TMPRSS13: variants seen among roughly 807,000 people sequenced by gnomAD.
TMPRSS13 encodes the protein transmembrane protease serine 13.
In TMPRSS13, 50 loss-of-function variants were observed where a neutral mutation model predicts 68.4. That is an observed-to-expected ratio of 0.73 (90% confidence interval 0.58 to 0.93). The LOEUF (loss-of-function observed/expected upper bound fraction) is 0.93, where lower values mean the gene tolerates loss of function less well. Among genes scored for constraint, TMPRSS13 ranks in the 40% least tolerant of loss-of-function variants. The pLI, the probability that TMPRSS13 is intolerant of heterozygous loss-of-function variation, is 0.00. For missense variants in TMPRSS13, 615 were observed against 729.2 expected (o/e 0.84, Z 1.80); for synonymous variants, 267 against 285.8 (o/e 0.93, Z 0.66).
intron 8 of TMPRSS13, 58 bp from the exon 9 acceptor site, chr11:117,908,842 C>A: frequency 3.4e-6 from 5 of 1,488,002 alleles, no homozygotes; most frequent in Non-Finnish European, 4.5e-6. Context: ...TCACTGGCAG[C>A]CCCTGCTACC....
intron 5 of TMPRSS13, among the ~76,000 whole-genome samples, chr11:117,912,461 G>T (rs11216617): frequency 0.13 from 19,044 of 152,302 alleles, 1,599 homozygotes; most frequent in Non-Finnish European, 0.19. Context: ...TTGCTGAGCA[G>T]GTTCTAAGTC....
At chr11:117,923,838 T>TTAAAAAAAA (rs56359328) in intron 1 of TMPRSS13, among the ~76,000 whole-genome samples, 2 of 128,140 alleles carry the variant, frequency 1.6e-5, no homozygotes, top group Non-Finnish European at 3.2e-5. Flanking sequence ...GTATAATAAT[T>TTAAAAAAAA]AAAAAAAAAA....
rs1491524487 is a variant in TMPRSS13, at chr11:117,914,252, TAC to T, written c.679+138_679+139del. On this transcript the variant is annotated intron_variant, in intron 4 of 12. Coordinates refer to ENST00000524993, the MANE Select transcript of TMPRSS13 (RefSeq NM_001077263.3). This position sits in a 1 kb window ranked among gnomAD's most constrained non-coding sequence, Gnocchi z 4.2. ...ATACGTGCACACACACATACATGCA[TAC>T]ACACAAACATGCACATACACACACA... 2.5e-6 allele frequency: 3 copies of T among 1,180,862 alleles called. 1 individual carries two copies. The highest frequency in any genetic ancestry group is 2.7e-5 in the South Asian group (2 of 72,786). 73.1% of individuals were successfully genotyped at this position (1,180,862 alleles called of 1,614,324 possible).
At position 117,903,841 on chromosome 11, in the gene TMPRSS13, G is replaced by C. The variant is rs375925946; in HGVS notation, c.1525-34C>G. On this transcript the variant is annotated intron_variant, in intron 11 of 12. Transcript: ENST00000524993. The stretch of plus-strand genomic sequence containing the variant: ...GAGAGGGGGCACATTCGCAGGATGG[G>C]ACAGGTGGTCCATGAGCGGGAAAGG... The C allele has an allele frequency of 1.3e-4, 210 of 1,605,202 alleles. 2 individuals are homozygous for C. In the Middle Eastern group the frequency reaches 1.4e-3, roughly 11 times the overall value.
At chr11:117,906,730 T>C (rs1348297349) in intron 9 of TMPRSS13, among the ~76,000 whole-genome samples, 1 of 152,144 alleles carries the variant, frequency 6.6e-6, no homozygotes, top group Non-Finnish European at 1.5e-5. Context: ...ATTTTTTTTC[T>C]ATGCCCCTTT....
At chr11:117,926,060 G>T (rs796911545) in intron 1 of TMPRSS13, among the ~76,000 whole-genome samples, 3 of 145,540 alleles carry the variant, frequency 2.1e-5, no homozygotes, top group Non-Finnish European at 4.5e-5. Context: ...ACACCTGCAG[G>T]GGCATAGGGC....
Position 117,905,809 on chromosome 11 carries a change from C to T in TMPRSS13, c.1283-73G>A, listed in dbSNP as rs188230745. Reference sequence around the variant, plus strand: ...TCAGTAGGGGGAGGGAGAAGGAGCACAACCACTCTGGGGGCAAGGAGGGGT... The same window carrying T: ...TCAGTAGGGGGAGGGAGAAGGAGCATAACCACTCTGGGGGCAAGGAGGGGT... On this transcript the variant is annotated intron_variant, in intron 9 of 12. Coordinates refer to ENST00000524993, the MANE Select transcript of TMPRSS13 (RefSeq NM_001077263.3). 113 of 1,252,886 alleles carry T rather than the reference C, an allele frequency of 9.0e-5. No homozygotes were observed. In the Middle Eastern group the frequency reaches 2.4e-3, roughly 27 times the overall value. The allele number at this position is 1,252,886 out of a possible 1,614,324, so 77.6% of individuals were successfully genotyped here.
intron 1 of TMPRSS13, among the ~76,000 whole-genome samples, chr11:117,920,246 T>C (rs1318089018): frequency 6.6e-6 from 1 of 152,194 alleles, no homozygotes; most frequent in African/African-American, 2.4e-5. Context: ...CCTTGCTTCG[T>C]GGTACTGAGG....
chr11:117,902,725 C>T (rs147379637), intron 12 of TMPRSS13, among the ~76,000 whole-genome samples: 100 of 152,352 alleles, frequency 6.6e-4, no homozygotes, highest in African/African-American at 2.3e-3. Context: ...GGGCTGGCAC[C>T]GAGGTGAGGC....
intron 1 of TMPRSS13, among the ~76,000 whole-genome samples, chr11:117,919,039 C>T (rs2057615754): frequency 6.6e-6 from 1 of 152,148 alleles, no homozygotes; most frequent in Non-Finnish European, 1.5e-5. Flanking sequence ...CCCCCAGCTC[C>T]CCTAGGGGCT....
At chr11:117,921,434 C>T (rs531577697) in intron 1 of TMPRSS13, among the ~76,000 whole-genome samples, 2 of 152,222 alleles carry the variant, frequency 1.3e-5, no homozygotes, top group Non-Finnish European at 2.9e-5. Flanking sequence ...AACTCTAGCA[C>T]AGTCGTCTCA....
chr11:117,923,709 T>A (rs12277567), intron 1 of TMPRSS13, among the ~76,000 whole-genome samples: 12,848 of 151,794 alleles, frequency 0.085, 1,725 homozygotes, highest in African/African-American at 0.29. Flanking sequence ...GGGGGAGGGA[T>A]AGCATTAGGA....
rs992310369 is a variant in TMPRSS13 at position 117,901,824 on chromosome 11, G to A, written c.*415C>T. ...CACGATCCATCCCAGGACAGCAATG[G>A]CGCCACCTGGGCCGCTGGCATCTGC... On this transcript the variant is annotated 3_prime_UTR_variant, in exon 13 of 13. Transcript: ENST00000524993. 3 of 205,590 alleles carry A rather than the reference G, an allele frequency of 1.5e-5. No individual in the cohort carries two copies. Among genetic ancestry groups the A allele is most frequent in the Non-Finnish European group, 3.0e-5 (3 of 98,492 alleles). 12.7% of individuals were successfully genotyped at this position (205,590 alleles called of 1,614,324 possible). A position where few individuals can be genotyped will look rare whatever the true frequency, so the allele number is the denominator to read the frequency against.
At chr11:117,908,527 G>A (rs1231669825) in intron 9 of TMPRSS13, 85 bp downstream of exon 9, 1 of 1,456,652 alleles carries the variant, frequency 6.9e-7, no homozygotes, top group Non-Finnish European at 9.3e-7. Context: ...GCCCGGATAT[G>A]AGTTGACAGA....
At chr11:117,905,474 G>A (rs1231507284) in intron 10 of TMPRSS13, among the ~76,000 whole-genome samples, 164 bp downstream of exon 10, 1 of 152,088 alleles carries the variant, frequency 6.6e-6, no homozygotes, top group Non-Finnish European at 1.5e-5. Flanking sequence ...ATACTCAGGT[G>A]TCTATACACA....
intron 1 of TMPRSS13, among the ~76,000 whole-genome samples, chr11:117,924,874 C>T (rs1317012391): frequency 1.3e-5 from 2 of 152,288 alleles, no homozygotes; most frequent in South Asian, 4.1e-4. Flanking sequence ...CCAGCACACA[C>T]GCAGTATACA....
At chr11:117,905,999 A>T (rs1190326435) in intron 9 of TMPRSS13, among the ~76,000 whole-genome samples, 1 of 152,194 alleles carries the variant, frequency 6.6e-6, no homozygotes, top group African/African-American at 2.4e-5. Flanking sequence ...CTGTGGTCAG[A>T]TGCGTAAGCC....
rs2057432530 is a variant in TMPRSS13 at position 117,903,710 on chromosome 11, G to T, written c.1622C>A (p.Pro541His). ...WGTGCGQRNK[P>H]GVYTKVTEVL... ...TTCTGTCACTTTGGTGTACACACCA[G>T]GTTTGTTTCTCTGGCCACAGCCTGT... The change falls in exon 12 of 13, where the codon CCT (proline) becomes CAT (histidine). Residue 541 changes from proline (P) to histidine (H), a missense_variant. Physicochemically the swap from Pro to His is moderately conservative, Grantham distance 77. Coordinates refer to ENST00000524993, the MANE Select transcript of TMPRSS13 (RefSeq NM_001077263.3). 1 of 1,613,998 alleles carries T rather than the reference G, an allele frequency of 6.2e-7. No homozygotes were observed.
rs139109601 is a variant in TMPRSS13 at position 117,924,535 on chromosome 11, T to G, written c.21+4752A>C. 6.7e-3 allele frequency among the ~76,000 whole-genome samples: 1,022 copies of G among 152,102 alleles called. 13 individuals are homozygous for G. The highest frequency in any genetic ancestry group is 0.023 in the African/African-American group (967 of 41,494). On this transcript the variant is annotated intron_variant, in intron 1 of 12. Transcript: ENST00000524993. ...TGGGCTAGGCAGGAAGAAAAACCCC[T>G]CACTAAACCCTTCTGGAAGCACTGG... is the stretch of plus-strand genomic sequence containing the variant.
Sources: allele counts gnomAD v4.1 joint callset (sites outside exome capture counted in the v4.1 genomes callset), GRCh38; gene constraint gnomAD v4.1.1; non-coding constraint Gnocchi (gnomAD v3.1); transcripts MANE v1.5; gene names NCBI Gene and HGNC (gene_info 2026-07-23, HGNC 2026-07-21).